Variants in RAB11FIP5 observed in about 807,000 individuals in gnomAD.
RAB11FIP5 encodes the protein RAB11 family interacting protein 5, also known as rab11 family-interacting protein 5.
Under a neutral mutation model 85.1 loss-of-function variants are expected in RAB11FIP5, and 48 were observed. The observed-to-expected ratio is 0.56, with a 90% CI of 0.45 to 0.72. RAB11FIP5 has a LOEUF of 0.72. RAB11FIP5 is among the 30% of genes least tolerant of loss of function. The pLI is 0.00. For synonymous variants in RAB11FIP5, 729 were observed against 727.3 expected (o/e 1.00, Z -0.04); for missense variants, 1,491 against 1,687.0 (o/e 0.88, Z 2.04).
chr2:73,099,450 C>T (rs1684387388), intron 1 of RAB11FIP5, among the ~76,000 whole-genome samples: 1 of 152,180 alleles, frequency 6.6e-6, no homozygotes, highest in Non-Finnish European at 1.5e-5. Context: ...AGGGAGCAAA[C>T]TCAGCAGAAG....
At chr2:73,101,862 A>T (rs760968542) in intron 1 of RAB11FIP5, among the ~76,000 whole-genome samples, 1 of 152,186 alleles carries the variant, frequency 6.6e-6, no homozygotes, top group Non-Finnish European at 1.5e-5. Flanking sequence ...ATCCCACCCA[A>T]CCAGAGGAGG....
intron 4 of RAB11FIP5, among the ~76,000 whole-genome samples, chr2:73,077,047 A>G (rs1353754112): frequency 6.6e-6 from 1 of 152,096 alleles, no homozygotes; most frequent in African/African-American, 2.4e-5. Flanking sequence ...CTCAGTCTTA[A>G]CAACTGCTAG....
At chr2:73,091,762 C>T (rs1281228157) in intron 1 of RAB11FIP5, among the ~76,000 whole-genome samples, 2 of 152,184 alleles carry the variant, frequency 1.3e-5, no homozygotes, top group Admixed American at 6.5e-5. Context: ...CCCATCATGA[C>T]GAAATCCTGG....
chr2:73,078,419 G>C lies in RAB11FIP5; in HGVS notation c.3581+1232C>G, dbSNP rs1683902346. Among the ~76,000 whole-genome samples the C allele has an allele frequency of 6.6e-6, 1 of 152,198 alleles. No individual in the cohort carries two copies. Among genetic ancestry groups the C allele is most frequent in the Non-Finnish European group, 1.5e-5 (1 of 68,038 alleles). On this transcript the variant is annotated intron_variant, in intron 4 of 5. Transcript: ENST00000486777. This position sits in a 1 kb window ranked among gnomAD's most constrained non-coding sequence, Gnocchi z 4.4. The stretch of plus-strand genomic sequence containing the variant: ...TTAGAGGTCATGCTGGCAGACAGCA[G>C]GGCCAGCCGAGGACACTGCAACCAC...
At chr2:73,111,027 G>A (rs200799953) in intron 1 of RAB11FIP5, among the ~76,000 whole-genome samples, 2 of 124,346 alleles carry the variant, frequency 1.6e-5, no homozygotes, top group South Asian at 2.5e-4. Context: ...AAAAAAACAA[G>A]GTCCAAGCTA....
intron 1 of RAB11FIP5, among the ~76,000 whole-genome samples, chr2:73,101,356 T>A (rs909181569): frequency 6.6e-5 from 10 of 152,172 alleles, no homozygotes. Context: ...GCCAGGTGCC[T>A]ATTTGGATCC....
intron 4 of RAB11FIP5, 24 bp downstream of exon 4, chr2:73,079,627 A>G: frequency 2.4e-6 from 3 of 1,232,734 alleles, no homozygotes; most frequent in Non-Finnish European, 3.0e-6. Flanking sequence ...CCTCCTGGAC[A>G]GTGTTCTGGG....
chr2:73,097,317 G>A lies in RAB11FIP5; in HGVS notation c.432-8002C>T, dbSNP rs111289857. On this transcript the variant is annotated intron_variant, in intron 1 of 5. Transcript: ENST00000486777. Reference sequence around the variant, plus strand: ...CTCCCAAAGTGCTGAGATTACAGGCGTGAGCCACCACGCCCGGCCCCCCTC... The same window carrying A: ...CTCCCAAAGTGCTGAGATTACAGGCATGAGCCACCACGCCCGGCCCCCCTC... 1.9e-3 allele frequency among the ~76,000 whole-genome samples: 294 copies of A among 152,232 alleles called. 3 individuals are homozygous for A. Among genetic ancestry groups the A allele is most frequent in the Middle Eastern group, 6.8e-3 (2 of 294 alleles).
chr2:73,105,183 G>T (rs1001246136), intron 1 of RAB11FIP5, among the ~76,000 whole-genome samples: 1 of 152,204 alleles, frequency 6.6e-6, no homozygotes, highest in Non-Finnish European at 1.5e-5. Flanking sequence ...AATCTCCCCA[G>T]GGTGGAAAGT....
rs767895896 is a variant in RAB11FIP5, at chr2:73,088,517, G to T, written c.1101C>A (p.Ser367=). 5 of 1,614,028 alleles carry T rather than the reference G, an allele frequency of 3.1e-6. No individual in the cohort carries two copies. The South Asian group carries it at 5.5e-5, about 18-fold the overall frequency. ...SISGSLPSSG[S]LQAVSSRFSE... Reference sequence around the variant, plus strand: ...AGAACCGGGAAGAGACAGCTTGCAAGGAGCCAGAGGATGGAAGCGAGCCCG... The same window carrying T: ...AGAACCGGGAAGAGACAGCTTGCAATGAGCCAGAGGATGGAAGCGAGCCCG... Residue 367 remains serine (S), a synonymous_variant, in exon 3 of 6, where the codon TCC becomes TCA. Transcript: ENST00000486777.
At chr2:73,106,486 C>T (rs76709724) in intron 1 of RAB11FIP5, among the ~76,000 whole-genome samples, 9,585 of 150,354 alleles carry the variant, frequency 0.064, 825 homozygotes, top group African/African-American at 0.2. Context: ...TCCAGGCTTC[C>T]CCCCCTTTGG....
chr2:73,094,638 T>A (rs1684283493), intron 1 of RAB11FIP5, among the ~76,000 whole-genome samples: 2 of 152,112 alleles, frequency 1.3e-5, no homozygotes, highest in African/African-American at 4.8e-5. Flanking sequence ...ACAAGGATGG[T>A]CCCTAACGCT....
intron 1 of RAB11FIP5, among the ~76,000 whole-genome samples, chr2:73,093,500 A>T (rs993466190): frequency 3.3e-5 from 5 of 152,198 alleles, no homozygotes; most frequent in African/African-American, 4.8e-5. Context: ...TAAAGAAATC[A>T]TGCATGCACA....
rs72344675 is a variant in RAB11FIP5 at position 73,081,095 on chromosome 2, T to TTCCTCCTCCTCCTCCTCC, written c.2119_2136dup (p.Gly707_Gly712dup). On this transcript the variant is annotated inframe_insertion, in exon 4 of 6. Transcript: ENST00000486777. The surrounding 1 kb of genome is among the most constrained non-coding windows in gnomAD (Gnocchi z 4.2). ...TCCAGCCACACGCTGCTCCCACCTC[T>TTCCTCCTCCTCCTCCTCC]TCCTCCTCCTCCTCCTCCTCCTCCT... The TTCCTCCTCCTCCTCCTCC allele has an allele frequency of 8.2e-7, 1 of 1,223,890 alleles. No individual in the cohort carries two copies. Among genetic ancestry groups the TTCCTCCTCCTCCTCCTCC allele is most frequent in the Non-Finnish European group, 1.0e-6 (1 of 983,186 alleles). The allele number at this position is 1,223,890 out of a possible 1,614,324, so 75.8% of individuals were successfully genotyped here.
chr2:73,112,537 C>A lies in RAB11FIP5; in HGVS notation c.241G>T (p.Ala81Ser), dbSNP rs774206208. ...TGCGCCCGCAGCAGGCCATCCAGGGCCCCCGGCGGCAGCTCGAAGGAGCAC... is the reference window on the plus strand; with the variant it reads ...TGCGCCCGCAGCAGGCCATCCAGGGACCCCGGCGGCAGCTCGAAGGAGCAC... ...EECSFELPPG[A>S]LDGLLRAQEA... The change falls in exon 1 of 6, where the codon GCC becomes TCC. Residue 81 changes from alanine (A) to serine (S), a missense_variant. By Grantham distance (99) the Ala-to-Ser change is moderately conservative (BLOSUM62 1). This residue lies in a region of RAB11FIP5 where 1,211 missense variants were observed against 1,338.0 expected (regional missense o/e 0.91). Transcript: ENST00000486777. 5.9e-6 allele frequency: 9 copies of A among 1,532,202 alleles called. No homozygotes were observed. Among genetic ancestry groups the A allele is most frequent in the Non-Finnish European group, 7.9e-6 (9 of 1,141,130 alleles). 94.9% of individuals were successfully genotyped at this position (1,532,202 alleles called of 1,614,324 possible). A position where few individuals can be genotyped will look rare whatever the true frequency, so the allele number is the denominator to read the frequency against.
At position 73,089,402 on chromosome 2, in the gene RAB11FIP5, C is replaced by T; in HGVS notation, c.432-87G>A. 7.2e-7 allele frequency: 1 copy of T among 1,398,528 alleles called. No homozygotes were observed. Among genetic ancestry groups the T allele is most frequent in the Admixed American group, 1.7e-5 (1 of 59,754 alleles). 86.6% of individuals were successfully genotyped at this position (1,398,528 alleles called of 1,614,324 possible). On this transcript the variant is annotated intron_variant, in intron 1 of 5. Coordinates refer to ENST00000486777, the MANE Select transcript of RAB11FIP5 (RefSeq NM_001371272.1). The surrounding 1 kb of genome is among the most constrained non-coding windows in gnomAD (Gnocchi z 4.6). ...GGTACCAGGCACTGCCCAGACCCCT[C>T]CTTGCTCTGAGAGCCACTGATAGCC...
Position 73,089,631 on chromosome 2 carries a change from C to T in RAB11FIP5, c.432-316G>A, listed in dbSNP as rs1684169312. On this transcript the variant is annotated intron_variant, in intron 1 of 5. Transcript: ENST00000486777. This position sits in a 1 kb window ranked among gnomAD's most constrained non-coding sequence, Gnocchi z 4.6. Reference sequence around the variant, plus strand: ...CTTCTCCTGGTGCTCAGAGACCTCTCCTCTGCCCCATCTCCCCTACATCTG... The same window carrying T: ...CTTCTCCTGGTGCTCAGAGACCTCTTCTCTGCCCCATCTCCCCTACATCTG... The T allele has an allele frequency of 2.3e-6, 1 of 433,578 alleles. No individual in the cohort carries two copies. Among genetic ancestry groups the T allele is most frequent in the Non-Finnish European group, 4.3e-6 (1 of 231,022 alleles). The allele number at this position is 433,578 out of a possible 1,614,324, so 26.9% of individuals were successfully genotyped here. A position where few individuals can be genotyped will look rare whatever the true frequency, so the allele number is the denominator to read the frequency against.
chr2:73,098,338 G>A (rs939557016), intron 1 of RAB11FIP5, among the ~76,000 whole-genome samples: 1 of 152,212 alleles, frequency 6.6e-6, no homozygotes, highest in Non-Finnish European at 1.5e-5. Context: ...ATGCTCAACT[G>A]GCCAGATAAT....
rs1052909285 is a variant in RAB11FIP5, at chr2:73,081,758, G to A, written c.1569-95C>T. On this transcript the variant is annotated intron_variant, in intron 3 of 5. Coordinates refer to ENST00000486777, the MANE Select transcript of RAB11FIP5 (RefSeq NM_001371272.1). The surrounding 1 kb of genome is among the most constrained non-coding windows in gnomAD (Gnocchi z 4.2). The stretch of plus-strand genomic sequence containing the variant: ...CCCCACCCCCTGCTTCGGGACCAGG[G>A]GCCATAACACACACATAGGCTGGAT... The A allele has an allele frequency of 1.1e-5, 12 of 1,118,350 alleles. No homozygotes were observed. Among genetic ancestry groups the A allele is most frequent in the African/African-American group, 1.6e-5 (1 of 61,918 alleles). 69.3% of individuals were successfully genotyped at this position (1,118,350 alleles called of 1,614,324 possible).
Sources: allele counts gnomAD v4.1 joint callset (sites outside exome capture counted in the v4.1 genomes callset), GRCh38; gene constraint gnomAD v4.1.1; regional missense constraint gnomAD v4.1.1; non-coding constraint Gnocchi (gnomAD v3.1); transcripts MANE v1.5; gene names NCBI Gene and HGNC (gene_info 2026-07-23, HGNC 2026-07-21).